The following DLGAP1 variants were observed in gnomAD, a reference collection of about 807,000 sequenced individuals.
The protein encoded by DLGAP1 is disks large-associated protein 1.
In DLGAP1, 11 loss-of-function variants were observed where a neutral mutation model predicts 90.8. The observed-to-expected ratio is 0.12, with a 90% CI of 0.08 to 0.20. The LOEUF is 0.20. Ranked by LOEUF, DLGAP1 falls within the 10% of genes least tolerant of loss-of-function variation. The probability of loss-of-function intolerance (pLI) is 1.00; values close to 1 mark genes in which losing one functional copy is unlikely to be tolerated. For synonymous variants in DLGAP1, 558 were observed against 540.7 expected, an observed-to-expected ratio of 1.03 and a Z score of -0.44; for missense variants, 1,050 against 1,333.8, an observed-to-expected ratio of 0.79 and a Z score of 3.31.
chr18:3,857,588 G>A (rs1220372656), intron 4 of DLGAP1, among the ~76,000 whole-genome samples: 1 of 152,136 alleles, frequency 6.6e-6, no homozygotes, highest in Non-Finnish European at 1.5e-5. Context: ...AGTTGACTTT[G>A]TTAAACTTTC....
intron 9 of DLGAP1, among the ~76,000 whole-genome samples, chr18:3,566,420 A>C (rs977630898): frequency 2.0e-5 from 3 of 151,686 alleles, no homozygotes; most frequent in African/African-American, 2.4e-5. Flanking sequence ...ACACACATAG[A>C]ATTTATTAAT....
intron 2 of DLGAP1, among the ~76,000 whole-genome samples, chr18:4,101,794 T>C (rs2075782237): frequency 6.6e-6 from 1 of 151,946 alleles, no homozygotes; most frequent in Non-Finnish European, 1.5e-5. Flanking sequence ...TATACACACA[T>C]ATATAATATA....
chr18:3,784,277 C>T (rs1444573941), intron 5 of DLGAP1, among the ~76,000 whole-genome samples: 10 of 152,114 alleles, frequency 6.6e-5, no homozygotes, highest in African/African-American at 2.4e-4. Flanking sequence ...CAAGGCACCT[C>T]ATCTCGGCTG....
chr18:3,965,721 G>A (rs1185145657), intron 3 of DLGAP1, among the ~76,000 whole-genome samples: 2 of 151,990 alleles, frequency 1.3e-5, no homozygotes, highest in African/African-American at 4.8e-5. Context: ...GCCGAGGTGG[G>A]CTGATTACCT....
intron 6 of DLGAP1, among the ~76,000 whole-genome samples, chr18:3,740,901 C>CCA (rs1404207297): frequency 6.7e-6 from 1 of 148,532 alleles, no homozygotes; most frequent in African/African-American, 2.5e-5. Flanking sequence ...ACCACTGCCA[C>CCA]CCATTACCAA....
intron 2 of DLGAP1, among the ~76,000 whole-genome samples, chr18:4,141,856 G>A (rs2076500294): frequency 6.6e-6 from 1 of 151,886 alleles, no homozygotes; most frequent in African/African-American, 2.4e-5. Flanking sequence ...GTATCTGATG[G>A]TATTCTAAAT....
chr18:3,939,567 T>C (rs1034681700), intron 3 of DLGAP1, among the ~76,000 whole-genome samples: 5 of 152,122 alleles, frequency 3.3e-5, no homozygotes, highest in Non-Finnish European at 7.3e-5. Flanking sequence ...ATTCTGTTCA[T>C]GTAATTTAGA....
rs911526225 is a variant in DLGAP1, at chr18:3,499,034, C to A, written c.*151G>T. ...GGGGGGCTGAGGGGGGCCCGGGGGG[C>A]GGCTCCTGCGAGGTGGACAACTACA... is the stretch of plus-strand genomic sequence containing the variant. On this transcript the variant is annotated 3_prime_UTR_variant, in exon 13 of 13. Transcript: ENST00000315677. The surrounding 1 kb of genome is among the most constrained non-coding windows in gnomAD (Gnocchi z 6.4). 36 of 655,610 alleles carry A rather than the reference C, an allele frequency of 5.5e-5. No homozygotes were observed. The African/African-American group carries it at 6.9e-4, about 13-fold the overall frequency. 40.6% of individuals were successfully genotyped at this position (655,610 alleles called of 1,614,324 possible).
intron 2 of DLGAP1, among the ~76,000 whole-genome samples, chr18:4,063,530 C>G (rs974961590): frequency 1.3e-5 from 2 of 152,124 alleles, no homozygotes; most frequent in Non-Finnish European, 2.9e-5. Context: ...ACAAGGCTGT[C>G]TTAAGTGGGG....
intron 4 of DLGAP1, among the ~76,000 whole-genome samples, chr18:3,826,238 C>A (rs915849228): frequency 6.6e-6 from 1 of 152,052 alleles, no homozygotes; most frequent in South Asian, 2.1e-4. Context: ...AATCTATCCA[C>A]GTAACAAGCC....
chr18:4,414,264 T>C (rs2082843405), intron 1 of DLGAP1, among the ~76,000 whole-genome samples: 1 of 152,214 alleles, frequency 6.6e-6, no homozygotes, highest in African/African-American at 2.4e-5. Context: ...TGAAATGTCT[T>C]GGAAGTGCTT....
At chr18:4,090,426 G>A (rs550984588) in intron 2 of DLGAP1, among the ~76,000 whole-genome samples, 23 of 152,176 alleles carry the variant, frequency 1.5e-4, no homozygotes, top group East Asian at 1.2e-3. Flanking sequence ...ATCAAAAAGC[G>A]GGCAAAGGAC....
At chr18:3,840,349 G>A (rs760975371) in intron 4 of DLGAP1, among the ~76,000 whole-genome samples, 11 of 152,148 alleles carry the variant, frequency 7.2e-5, no homozygotes, top group East Asian at 1.9e-4. Context: ...AGAGCTGGGC[G>A]TCCTCTGGAG....
rs139458516 is a variant in DLGAP1, at chr18:4,335,529, T to C, written c.-267+119477A>G. Among the ~76,000 whole-genome samples the C allele has an allele frequency of 7.2e-3, 1,086 of 150,228 alleles. 9 individuals are homozygous for C. The highest frequency in any genetic ancestry group is 0.031 in the South Asian group (152 of 4,826). ...TTTTAGGTTGACCGGTCATTGAAAA[T>C]GCAGATTACTTTAACTGCAATGGGA... On this transcript the variant is annotated intron_variant, in intron 1 of 12. Coordinates refer to ENST00000315677, the MANE Select transcript of DLGAP1 (RefSeq NM_004746.4).
In DLGAP1 at chr18:3,862,878, C is replaced by A. The variant is rs2070165650; in HGVS notation, c.957+16234G>T. 2.0e-5 allele frequency among the ~76,000 whole-genome samples: 3 copies of A among 152,268 alleles called. No homozygotes were observed. The South Asian group carries it at 6.2e-4, about 32-fold the overall frequency. ...GGACAGGCATTCAAGCAGGGCGGCC[C>A]TCGCCCTCACTGGGCCTCCCTGCCC... On this transcript the variant is annotated intron_variant, in intron 4 of 12. Coordinates refer to ENST00000315677, the MANE Select transcript of DLGAP1 (RefSeq NM_004746.4).
At chr18:3,516,771 A>T (rs1351537606) in intron 10 of DLGAP1, among the ~76,000 whole-genome samples, 1 of 152,312 alleles carries the variant, frequency 6.6e-6, no homozygotes, top group East Asian at 1.9e-4. Flanking sequence ...AGACTTATTC[A>T]CTACCATGAG....
chr18:3,668,391 C>T (rs2059955686), intron 7 of DLGAP1, among the ~76,000 whole-genome samples: 1 of 152,136 alleles, frequency 6.6e-6, no homozygotes, highest in African/African-American at 2.4e-5. Flanking sequence ...TAGCTCACTG[C>T]AGCCTCAAAG....
chr18:3,563,886 TC>T (rs1254386493), intron 9 of DLGAP1, among the ~76,000 whole-genome samples: 2 of 152,232 alleles, frequency 1.3e-5, no homozygotes, highest in African/African-American at 4.8e-5. Flanking sequence ...TCAAAGATAT[TC>T]TTTGTTTCTA....
At chr18:4,232,509 G>A (rs2078321684) in intron 1 of DLGAP1, among the ~76,000 whole-genome samples, 1 of 152,170 alleles carries the variant, frequency 6.6e-6, no homozygotes, top group South Asian at 2.1e-4. Flanking sequence ...ATGAATGAAG[G>A]TCTTAAAATT....
Sources: gnomAD v4.1 joint callset for allele counts (sites outside exome capture counted in the v4.1 genomes callset) on GRCh38, gnomAD v4.1.1 for gene constraint, Gnocchi (gnomAD v3.1) non-coding constraint, MANE v1.5 for transcripts, NCBI Gene and HGNC (gene_info 2026-07-23, HGNC 2026-07-21) for gene names.